CTDSPL: variants seen among roughly 807,000 people sequenced by gnomAD.
CTDSPL encodes CTD small phosphatase-like protein.
A neutral mutation model predicts 30.5 loss-of-function variants in CTDSPL; 8 were observed. The observed-to-expected ratio is 0.26, with a 90% CI of 0.15 to 0.47. The LOEUF is 0.47. CTDSPL is among the 20% of genes least tolerant of loss of function. CTDSPL has a pLI of 0.99. For synonymous variants in CTDSPL, 110 were observed against 137.9 expected (o/e 0.80, Z 1.42); for missense variants, 248 against 366.1 (o/e 0.68, Z 2.63).
chr3:37,902,980 G>A (rs1035010557), intron 1 of CTDSPL, among the ~76,000 whole-genome samples: 11 of 152,326 alleles, frequency 7.2e-5, no homozygotes, highest in African/African-American at 1.9e-4. Flanking sequence ...AAGAAACACC[G>A]TTCTGAAGTT....
At chr3:37,945,481 G>T (rs1480253901) in intron 1 of CTDSPL, among the ~76,000 whole-genome samples, 1 of 152,208 alleles carries the variant, frequency 6.6e-6, no homozygotes, top group Non-Finnish European at 1.5e-5. Context: ...GTGAGATGAG[G>T]TTTGTGAACT....
At chr3:37,960,730 ACAAAC>A (rs1015055635) in intron 3 of CTDSPL, among the ~76,000 whole-genome samples, 7 of 151,350 alleles carry the variant, frequency 4.6e-5, no homozygotes, top group African/African-American at 1.7e-4. Flanking sequence ...ACCCTGTCTC[ACAAAC>A]AAAACAAAAC....
intron 1 of CTDSPL, 62 bp from the exon 2 acceptor site, chr3:37,946,995 T>G: frequency 2.0e-6 from 3 of 1,509,960 alleles, no homozygotes; most frequent in Non-Finnish European, 2.7e-6. Flanking sequence ...GATTTTTGCA[T>G]TATATTACAA....
At chr3:37,976,429 C>T (rs560213975) in intron 7 of CTDSPL, among the ~76,000 whole-genome samples, 2 of 151,974 alleles carry the variant, frequency 1.3e-5, no homozygotes, top group Non-Finnish European at 2.9e-5. Context: ...GTCAGGAGAT[C>T]GAGACCATCC....
chr3:37,886,610 G>C (rs1487214206), intron 1 of CTDSPL, among the ~76,000 whole-genome samples: 1 of 152,216 alleles, frequency 6.6e-6, no homozygotes, highest in East Asian at 1.9e-4. Flanking sequence ...TATTCAGAGA[G>C]ACCAAGGGAC....
chr3:37,926,903 C>A (rs765666580), intron 1 of CTDSPL, among the ~76,000 whole-genome samples: 18 of 152,138 alleles, frequency 1.2e-4, no homozygotes, highest in Non-Finnish European at 2.1e-4. Flanking sequence ...TGACAGAAGG[C>A]AGAAAACTAT....
At chr3:37,878,066 G>A (rs1428853219) in intron 1 of CTDSPL, among the ~76,000 whole-genome samples, 1 of 152,108 alleles carries the variant, frequency 6.6e-6, no homozygotes, top group African/African-American at 2.4e-5. Context: ...GGGTTTCAGT[G>A]TCTCCACATC....
At chr3:37,931,723 A>G (rs940079378) in intron 1 of CTDSPL, among the ~76,000 whole-genome samples, 1 of 152,054 alleles carries the variant, frequency 6.6e-6, no homozygotes, top group Admixed American at 6.6e-5. Context: ...ATTTTGTAGT[A>G]ATAATAATCA....
intron 1 of CTDSPL, among the ~76,000 whole-genome samples, chr3:37,876,931 C>T (rs534328046): frequency 1.3e-5 from 2 of 151,738 alleles, no homozygotes; most frequent in South Asian, 2.1e-4. Flanking sequence ...CATGGTGAAA[C>T]CCCGTCTCTA....
intron 1 of CTDSPL, among the ~76,000 whole-genome samples, chr3:37,941,745 A>G (rs1337538333): frequency 2.0e-5 from 3 of 150,194 alleles, no homozygotes; most frequent in Non-Finnish European, 4.5e-5. Flanking sequence ...CCTTCAAAGC[A>G]GGCCTGCCCC....
intron 4 of CTDSPL, among the ~76,000 whole-genome samples, chr3:37,965,035 TGG>T (rs2125630869): frequency 6.6e-6 from 1 of 152,154 alleles, no homozygotes; most frequent in East Asian, 1.9e-4. Flanking sequence ...TGTGTTTTAT[TGG>T]GAGGGGGAGG....
chr3:37,921,267 T>C (rs1575299060), intron 1 of CTDSPL, among the ~76,000 whole-genome samples: 1 of 152,304 alleles, frequency 6.6e-6, no homozygotes, highest in Admixed American at 6.5e-5. Context: ...GACTGGATGG[T>C]GTCCCAGATC....
At chr3:37,892,775 G>C (rs572939007) in intron 1 of CTDSPL, among the ~76,000 whole-genome samples, 3 of 152,076 alleles carry the variant, frequency 2.0e-5, no homozygotes, top group East Asian at 1.9e-4. Context: ...TTACAGAAGT[G>C]GGGGGGATAG....
intron 1 of CTDSPL, among the ~76,000 whole-genome samples, chr3:37,939,630 G>T (rs1698955075): frequency 6.7e-6 from 1 of 149,992 alleles, no homozygotes; most frequent in African/African-American, 2.4e-5. Context: ...CATCTCCATG[G>T]CTTGCAAGGC....
intron 7 of CTDSPL, 133 bp from the exon 8 acceptor site, chr3:37,980,609 C>A (rs1173312863): frequency 3.7e-5 from 45 of 1,230,096 alleles, no homozygotes; most frequent in Non-Finnish European, 4.6e-5. Context: ...CAAACAAAAT[C>A]ATGATGATAA....
At chr3:37,958,763 C>A (rs1699203625) in intron 3 of CTDSPL, among the ~76,000 whole-genome samples, 1 of 152,206 alleles carries the variant, frequency 6.6e-6, no homozygotes, top group Admixed American at 6.5e-5. Flanking sequence ...CCATGTGAAC[C>A]TATGAACTAT....
chr3:37,966,678 C>T (rs184706245), intron 4 of CTDSPL, among the ~76,000 whole-genome samples: 18 of 152,294 alleles, frequency 1.2e-4, no homozygotes, highest in Non-Finnish European at 8.8e-5. Context: ...TGCTTAGTAA[C>T]GGTGCTATGA....
rs556720120 is a variant in CTDSPL at position 37,965,621 on chromosome 3, A to G, written c.369+949A>G. On this transcript the variant is annotated intron_variant, in intron 4 of 7. Transcript: ENST00000273179. Reference sequence around the variant, plus strand: ...CTGAGAGACATGAAGGTCACCATCCATGATGGGGCATGTGTCTCACATGAA... The same window carrying G: ...CTGAGAGACATGAAGGTCACCATCCGTGATGGGGCATGTGTCTCACATGAA... Among the ~76,000 whole-genome samples, 7 of 152,314 alleles carry G rather than the reference A, an allele frequency of 4.6e-5. No individual in the cohort carries two copies. In the East Asian group the frequency reaches 1.4e-3, roughly 29 times the overall value.
rs540635951 is a variant in CTDSPL, at chr3:37,970,452, A to G, written c.427-955A>G. ...AGCTCAGAGCTGAGGCTCAGTAAAC[A>G]TGCTGAATTGAATTTTAAAGAGTTT... On this transcript the variant is annotated intron_variant, in intron 5 of 7. Transcript: ENST00000273179. Among the ~76,000 whole-genome samples the G allele has an allele frequency of 2.0e-4, 30 of 152,364 alleles. 1 individual carries two copies. The highest frequency in any genetic ancestry group is 7.0e-4 in the African/African-American group (29 of 41,580).
Sources: allele counts gnomAD v4.1 joint callset (sites outside exome capture counted in the v4.1 genomes callset), GRCh38; gene constraint gnomAD v4.1.1; transcripts MANE v1.5; gene names NCBI Gene and HGNC (gene_info 2026-07-23, HGNC 2026-07-21).